The following PCDH11X variants were observed in gnomAD, a reference collection of about 807,000 sequenced individuals.
PCDH11X encodes protocadherin-11 X-linked.
A neutral mutation model predicts 53.3 loss-of-function variants in PCDH11X; 18 were observed. That is an observed-to-expected ratio of 0.34 (90% CI 0.23 to 0.50). PCDH11X has a LOEUF of 0.50. Ranked by LOEUF, PCDH11X falls within the 20% of genes least tolerant of loss-of-function variation. PCDH11X has a pLI of 0.98. For synonymous variants in PCDH11X, 279 were observed against 393.3 expected (o/e 0.71, Z 3.44); for missense variants, 570 against 1,032.4 (o/e 0.55, Z 6.14).
intron 8 of PCDH11X, among the ~76,000 whole-genome samples, chrX:92,358,954 C>T (rs1198170864): frequency 1.0e-3 from 109 of 108,178 alleles, no homozygotes; most frequent in Non-Finnish European, 1.8e-3. Context: ...TTCAGCCTTA[C>T]AATCTGATTC....
intron 6 of PCDH11X, among the ~76,000 whole-genome samples, chrX:92,095,732 AG>A (rs2064124281): frequency 8.9e-6 from 1 of 112,367 alleles, no homozygotes; most frequent in African/African-American, 3.2e-5. Context: ...CTACATATCA[AG>A]GGTAATGACT....
At chrX:91,942,364 G>C (rs1358238120) in intron 6 of PCDH11X, among the ~76,000 whole-genome samples, 5 of 110,631 alleles carry the variant, frequency 4.5e-5, no homozygotes, top group Non-Finnish European at 9.5e-5. Flanking sequence ...TATCAACAAT[G>C]AGAGAAGTGA....
At chrX:92,379,906 G>A in intron 8 of PCDH11X, among the ~76,000 whole-genome samples, 1 of 98,049 alleles carries the variant, frequency 1.0e-5, no homozygotes, top group Non-Finnish European at 2.1e-5. Context: ...ATTCTTCCTG[G>A]ACACAGGTCT....
At chrX:92,096,879 T>C (rs1483999269) in intron 6 of PCDH11X, among the ~76,000 whole-genome samples, 1 of 111,020 alleles carries the variant, frequency 9.0e-6, no homozygotes, top group Non-Finnish European at 1.9e-5. Flanking sequence ...CCATATCACA[T>C]ACATACACAT....
intron 5 of PCDH11X, among the ~76,000 whole-genome samples, chrX:91,851,479 T>C (rs1938008217): frequency 8.9e-6 from 1 of 112,002 alleles, no homozygotes; most frequent in South Asian, 3.7e-4. Context: ...TTTTTAATTT[T>C]TATGAGTACA....
At chrX:92,573,301 G>A (rs1430233989) in intron 10 of PCDH11X, among the ~76,000 whole-genome samples, 1 of 111,697 alleles carries the variant, frequency 9.0e-6, no homozygotes. Context: ...TTCATTTTAA[G>A]GGAATTGGTT....
intron 8 of PCDH11X, among the ~76,000 whole-genome samples, chrX:92,329,070 G>A (rs1406528978): frequency 6.3e-5 from 7 of 110,803 alleles, no homozygotes; most frequent in African/African-American, 2.3e-4. Context: ...AACAGTATAC[G>A]AAAAGGATAC....
chrX:92,542,113 CTA>C (rs1169255812), intron 10 of PCDH11X, among the ~76,000 whole-genome samples: 1 of 111,629 alleles, frequency 9.0e-6, no homozygotes, highest in Non-Finnish European at 1.9e-5. Flanking sequence ...TATTCTCACA[CTA>C]CATATTTAAG....
chrX:92,040,562 G>A (rs1451028253), intron 6 of PCDH11X, among the ~76,000 whole-genome samples: 1 of 111,986 alleles, frequency 8.9e-6, no homozygotes, highest in Non-Finnish European at 1.9e-5. Context: ...TATGGGAGGG[G>A]TGACGTCCAT....
chrX:92,537,805 A>G (rs1466104835), intron 10 of PCDH11X, among the ~76,000 whole-genome samples: 1 of 108,096 alleles, frequency 9.3e-6, no homozygotes, highest in African/African-American at 3.4e-5. Context: ...ATAATTAACT[A>G]TTGGCATATA....
At chrX:92,479,567 C>T (rs1469071856) in intron 10 of PCDH11X, among the ~76,000 whole-genome samples, 1 of 108,605 alleles carries the variant, frequency 9.2e-6, no homozygotes, top group African/African-American at 3.4e-5. Flanking sequence ...TAATGAATTC[C>T]CTCAGCATTT....
intron 6 of PCDH11X, among the ~76,000 whole-genome samples, chrX:92,122,047 C>G (rs1192187421): frequency 9.7e-6 from 1 of 102,610 alleles, no homozygotes; most frequent in Non-Finnish European, 2.0e-5. Flanking sequence ...AGCAGTGGCA[C>G]GATCTCAGCT....
intron 6 of PCDH11X, among the ~76,000 whole-genome samples, chrX:91,893,545 C>T (rs1177939819): frequency 9.1e-6 from 1 of 109,341 alleles, no homozygotes; most frequent in Non-Finnish European, 1.9e-5. Context: ...AATAGAGGGA[C>T]ATTTTCTGTG....
chrX:92,440,952 CACAATA>C, intron 9 of PCDH11X, among the ~76,000 whole-genome samples: 1 of 111,169 alleles, frequency 9.0e-6, no homozygotes, highest in Admixed American at 9.6e-5. Context: ...TAGTAATATG[CACAATA>C]AAGTCCAGGC....
chrX:92,348,643 TCTC>T (rs771403809), intron 8 of PCDH11X, among the ~76,000 whole-genome samples: 1 of 108,723 alleles, frequency 9.2e-6, no homozygotes, highest in African/African-American at 3.4e-5. Flanking sequence ...TTCAAGCAAT[TCTC>T]CTGCCTCAGC....
chrX:92,227,456 A>G (rs779399868), intron 7 of PCDH11X, among the ~76,000 whole-genome samples: 2 of 111,253 alleles, frequency 1.8e-5, no homozygotes, highest in Non-Finnish European at 3.8e-5. Flanking sequence ...ATAATCCTAA[A>G]GCTGTTGGGT....
intron 10 of PCDH11X, among the ~76,000 whole-genome samples, chrX:92,473,610 C>T (rs1434765992): frequency 9.0e-6 from 1 of 111,195 alleles, no homozygotes; most frequent in Non-Finnish European, 1.9e-5. Context: ...GTAAGTACTG[C>T]TATTGCTATA....
At chrX:91,835,333 A>G (rs1041167241) in intron 4 of PCDH11X, 128 bp from the exon 5 acceptor site, 3 of 1,180,616 alleles carry the variant, frequency 2.5e-6, no homozygotes, top group African/African-American at 3.6e-5. Context: ...TAATTAACAG[A>G]GTGTCAATTA....
chrX:92,106,931 A>T (rs2064397038), intron 6 of PCDH11X, among the ~76,000 whole-genome samples: 1 of 111,523 alleles, frequency 9.0e-6, no homozygotes, highest in African/African-American at 3.3e-5. Context: ...ATCAACACAG[A>T]TCTTAAATCT....
Sources: gnomAD v4.1 joint callset for allele counts (sites outside exome capture counted in the v4.1 genomes callset) on GRCh38, gnomAD v4.1.1 for gene constraint, MANE v1.5 for transcripts, NCBI Gene and HGNC (gene_info 2026-07-23, HGNC 2026-07-21) for gene names.